The following ANO10 variants were observed in gnomAD, a reference collection of about 807,000 sequenced individuals.
The protein encoded by ANO10 is anoctamin-10.
ANO10 carries 77 observed loss-of-function variants against 74.7 expected under a neutral mutation model. That is an observed-to-expected ratio of 1.03 (90% CI 0.86 to 1.25). ANO10 has a LOEUF of 1.25. ANO10 is among the 50% of genes most tolerant of loss of function. ANO10 has a pLI of 0.00. For missense variants in ANO10, 721 were observed against 778.1 expected, an observed-to-expected ratio of 0.93 and a Z score of 0.87; for synonymous variants, 279 against 284.9, an observed-to-expected ratio of 0.98 and a Z score of 0.21.
At chr3:43,421,761 C>T (rs1179840567) in intron 12 of ANO10, among the ~76,000 whole-genome samples, 1 of 152,046 alleles carries the variant, frequency 6.6e-6, no homozygotes, top group Non-Finnish European at 1.5e-5. Context: ...TTGTTTGAGC[C>T]TGGAAGGTCA....
At chr3:43,415,545 CT>C (rs538224235) in intron 12 of ANO10, among the ~76,000 whole-genome samples, 15 of 147,278 alleles carry the variant, frequency 1.0e-4, no homozygotes, top group South Asian at 2.1e-4. Context: ...TTCTTTCTTT[CT>C]TTTTTTTTTG....
intron 11 of ANO10, among the ~76,000 whole-genome samples, chr3:43,461,845 A>C (rs924724080): frequency 2.6e-5 from 4 of 152,236 alleles, no homozygotes; most frequent in African/African-American, 9.6e-5. Flanking sequence ...AAAGATACCC[A>C]AAAATGTGGA....
chr3:43,570,330 C>A (rs1206368941), intron 7 of ANO10, among the ~76,000 whole-genome samples: 2 of 150,778 alleles, frequency 1.3e-5, no homozygotes, highest in Admixed American at 1.3e-4. Flanking sequence ...TTGGAAAAAA[C>A]TACTTTAAAG....
At chr3:43,601,764 G>A (rs925724778) in intron 2 of ANO10, among the ~76,000 whole-genome samples, 1 of 152,168 alleles carries the variant, frequency 6.6e-6, no homozygotes, top group East Asian at 1.9e-4. Context: ...TAAGACAAAT[G>A]TAAAAACTAT....
intron 7 of ANO10, among the ~76,000 whole-genome samples, chr3:43,566,145 C>T (rs1217856912): frequency 4.6e-5 from 7 of 152,182 alleles, no homozygotes; most frequent in Admixed American, 4.6e-4. Flanking sequence ...AAAAATGGCG[C>T]ACCACGAGAT....
chr3:43,557,982 G>T (rs941760637), intron 9 of ANO10, among the ~76,000 whole-genome samples: 1 of 151,580 alleles, frequency 6.6e-6, no homozygotes, highest in African/African-American at 2.4e-5. Flanking sequence ...GTACATGCCT[G>T]TAGTCCCAGC....
At chr3:43,539,907 A>C (rs941146265) in intron 11 of ANO10, among the ~76,000 whole-genome samples, 12 of 152,184 alleles carry the variant, frequency 7.9e-5, no homozygotes, top group African/African-American at 1.4e-4. Flanking sequence ...AAACTTTCTT[A>C]GGCAAGAAAC....
chr3:43,523,133 CA>C (rs1205785681), intron 11 of ANO10, among the ~76,000 whole-genome samples: 1 of 152,100 alleles, frequency 6.6e-6, no homozygotes, highest in African/African-American at 2.4e-5. Context: ...GTCTTTCAGG[CA>C]AACCAATATT....
chr3:43,585,697 A>AC (rs1485328797), intron 4 of ANO10, among the ~76,000 whole-genome samples: 86 of 152,356 alleles, frequency 5.6e-4, no homozygotes, highest in Non-Finnish European at 8.8e-4. Flanking sequence ...CAGAATGCTT[A>AC]CGTTAGCAAT....
In ANO10 at chr3:43,580,347, A is replaced by G. The variant is rs746058345; in HGVS notation, c.592+6T>C. On this transcript the variant is annotated splice_donor_region_variant and intron_variant, in intron 5 of 12. Transcript: ENST00000292246. ...CTTCTTTAAGAGAACAAGTACTGAC[A>G]CATACCTATGGGCTGATACTTCAAA... 1.2e-6 allele frequency: 2 copies of G among 1,613,760 alleles called. No homozygotes were observed. Among genetic ancestry groups the G allele is most frequent in the East Asian group, 4.5e-5 (2 of 44,852 alleles).
chr3:43,565,700 G>A lies in ANO10; in HGVS notation c.1246C>T (p.Leu416Phe), dbSNP rs1443146561. 1 of 1,564,896 alleles carries A rather than the reference G, an allele frequency of 6.4e-7. No homozygotes were observed. The change falls in exon 8 of 13, where the codon CTC becomes TTC. Residue 416 changes from leucine (L) to phenylalanine (F), a missense_variant. Physicochemically the swap from Leu to Phe is conservative, Grantham distance 22 (BLOSUM62 0). Coordinates refer to ENST00000292246, the MANE Select transcript of ANO10 (RefSeq NM_018075.5). ...VFNFLNCFAS[L>F]FYIAFVLKDM... Reference sequence around the variant, plus strand: ...TTCAAGACAAAGGCAATATAGAAGAGTGAGGCAAAGCAATTGAGGAAGTTG... The same window carrying A: ...TTCAAGACAAAGGCAATATAGAAGAATGAGGCAAAGCAATTGAGGAAGTTG...
intron 11 of ANO10, among the ~76,000 whole-genome samples, chr3:43,444,351 C>T (rs1373988695): frequency 2.0e-5 from 3 of 152,118 alleles, no homozygotes; most frequent in African/African-American, 7.2e-5. Context: ...TAGAGCAGAT[C>T]TGATGATGGT....
At chr3:43,434,885 T>C (rs1032760551) in intron 11 of ANO10, among the ~76,000 whole-genome samples, 1 of 152,248 alleles carries the variant, frequency 6.6e-6, no homozygotes, top group Non-Finnish European at 1.5e-5. Context: ...GGATGCCATT[T>C]TAAACATTTG....
chr3:43,379,838 T>C (rs2091910689), intron 12 of ANO10, among the ~76,000 whole-genome samples: 1 of 152,074 alleles, frequency 6.6e-6, no homozygotes, highest in Admixed American at 6.5e-5. Context: ...CAAGATCAAA[T>C]CTCTGAATTG....
chr3:43,554,932 G>C (rs1292819740), intron 10 of ANO10, among the ~76,000 whole-genome samples: 1 of 152,122 alleles, frequency 6.6e-6, no homozygotes, highest in Non-Finnish European at 1.5e-5. Context: ...AGAAGTCTAG[G>C]CTCCCCATGT....
chr3:43,685,784 GA>G (rs1184015846), intron 1 of ANO10, among the ~76,000 whole-genome samples: 1 of 152,206 alleles, frequency 6.6e-6, no homozygotes. Flanking sequence ...TTTCTCCTCT[GA>G]AAAGGCTTTT....
At chr3:43,454,721 G>A (rs1213936012) in intron 11 of ANO10, among the ~76,000 whole-genome samples, 2 of 152,062 alleles carry the variant, frequency 1.3e-5, no homozygotes, top group Admixed American at 6.6e-5. Flanking sequence ...CATTAGCAAG[G>A]TGCTGATCAC....
chr3:43,586,033 G>C (rs1268945450), intron 4 of ANO10, among the ~76,000 whole-genome samples: 1 of 152,118 alleles, frequency 6.6e-6, no homozygotes, highest in Non-Finnish European at 1.5e-5. Context: ...ATCAGCCCTG[G>C]GTAAACTAAG....
At chr3:43,575,707 G>A (rs1317607227) in intron 6 of ANO10, among the ~76,000 whole-genome samples, 1 of 151,800 alleles carries the variant, frequency 6.6e-6, no homozygotes, top group Non-Finnish European at 1.5e-5. Flanking sequence ...GCACGATCTC[G>A]GCTCACTGCA....
Sources: allele counts gnomAD v4.1 joint callset (sites outside exome capture counted in the v4.1 genomes callset), GRCh38; gene constraint gnomAD v4.1.1; transcripts MANE v1.5; gene names NCBI Gene and HGNC (gene_info 2026-07-23, HGNC 2026-07-21).